Variants in RPS5 observed in about 807,000 individuals in gnomAD.
RPS5 encodes ribosomal protein S5, also known as small ribosomal subunit protein uS7.
A neutral mutation model predicts 20.9 loss-of-function variants in RPS5; 2 were observed. The ratio of observed to expected loss-of-function variants is 0.10; its 90% confidence interval spans 0.04 to 0.30. The LOEUF is 0.30. RPS5 is among the 10% of genes least tolerant of loss of function. The pLI is 1.00. For missense variants in RPS5, 122 were observed against 287.2 expected (o/e 0.42, Z 4.16); for synonymous variants, 112 against 105.8 (o/e 1.06, Z -0.36).
intron 2 of RPS5, among the ~76,000 whole-genome samples, chr19:58,392,213 A>G (rs1008205700): frequency 1.1e-4 from 17 of 151,980 alleles, no homozygotes; most frequent in African/African-American, 3.6e-4. Flanking sequence ...AATTCCAGCT[A>G]CTCAGGAGGC....
intron 3 of RPS5, 65 bp downstream of exon 3, chr19:58,393,250 G>T: frequency 1.2e-6 from 2 of 1,612,106 alleles, no homozygotes; most frequent in South Asian, 1.1e-5. Flanking sequence ...CCCACGGAGT[G>T]TATGTCAGGC....
chr19:58,393,606 C>A, intron 4 of RPS5, 119 bp downstream of exon 4: 2 of 1,326,476 alleles, frequency 1.5e-6, no homozygotes, highest in East Asian at 2.5e-5. Flanking sequence ...ATCACTTCCT[C>A]TAGGAAGCCT....
chr19:58,392,788 A>T (rs139977712), intron 2 of RPS5, among the ~76,000 whole-genome samples, 188 bp from the exon 3 acceptor site: 287 of 152,230 alleles, frequency 1.9e-3, no homozygotes, highest in African/African-American at 6.5e-3. Context: ...TGGTAAAGTC[A>T]CCTGTTCAGG....
chr19:58,389,776 AC>A (rs1230387557), intron 2 of RPS5, among the ~76,000 whole-genome samples: 1 of 151,720 alleles, frequency 6.6e-6, no homozygotes, highest in African/African-American at 2.4e-5. Flanking sequence ...AGCTGAGATT[AC>A]AGGCGCACAC....
intron 2 of RPS5, 158 bp downstream of exon 2, chr19:58,388,403 A>T (rs760833608): frequency 9.6e-6 from 6 of 622,048 alleles, no homozygotes; most frequent in Non-Finnish European, 1.7e-5. Context: ...ATCTGCTCTT[A>T]CGTCCTGTTC....
At chr19:58,388,105 G>A in intron 1 of RPS5, 32 bp from the exon 2 acceptor site, 1 of 1,508,752 alleles carries the variant, frequency 6.6e-7, no homozygotes, top group South Asian at 1.2e-5. Context: ...GCTGAGCTCT[G>A]ACGTTTTTTT....
At chr19:58,388,479 T>C (rs989755356) in intron 2 of RPS5, 4 of 559,454 alleles carry the variant, frequency 7.1e-6, no homozygotes, top group Admixed American at 3.4e-5. Flanking sequence ...ATCTCACATA[T>C]GGTATTTTTG....
chr19:58,390,662 C>T (rs1234885536), intron 2 of RPS5, among the ~76,000 whole-genome samples: 1 of 152,058 alleles, frequency 6.6e-6, no homozygotes, highest in Non-Finnish European at 1.5e-5. Flanking sequence ...CCTTGAACTC[C>T]TTGATCTATT....
Position 58,393,158 on chromosome 19 carries a change from C to A in RPS5, c.291C>A (p.Phe97Leu). 1 of 1,614,208 alleles carries A rather than the reference C, an allele frequency of 6.2e-7. No individual in the cohort carries two copies. Among genetic ancestry groups the A allele is most frequent in the South Asian group, 1.1e-5 (1 of 91,080 alleles). The change falls in exon 3 of 6, where the codon TTC becomes TTA. Residue 97 changes from phenylalanine to leucine, a missense_variant. This residue lies in a region of RPS5 where 49 missense variants were observed against 64.9 expected (regional missense o/e 0.75). Coordinates refer to ENST00000196551, the MANE Select transcript of RPS5 (RefSeq NM_001009.4). ...CTGTGCGCATCGTCAAGCATGCCTT[C>A]GAGATCATACACCTGCTCACAGGCG... The part of the protein sequence containing the change: ...LMTVRIVKHA[F>L]EIIHLLTGEN...
chr19:58,390,741 C>T (rs968926353), intron 2 of RPS5, among the ~76,000 whole-genome samples: 29 of 152,292 alleles, frequency 1.9e-4, no homozygotes, highest in African/African-American at 6.5e-4. Flanking sequence ...ATTTTAAACA[C>T]CTGTGCAGGG....
At chr19:58,387,427 G>A (rs1270447447) in intron 1 of RPS5, 88 bp downstream of exon 1, 1 of 152,282 alleles carries the variant, frequency 6.6e-6, no homozygotes, top group Non-Finnish European at 1.5e-5. Context: ...TTCTCATTAG[G>A]TCTCATTTCT....
chr19:58,387,384 C>T (rs1174295301), intron 1 of RPS5, 45 bp downstream of exon 1: 1 of 152,254 alleles, frequency 6.6e-6, no homozygotes, highest in Non-Finnish European at 1.5e-5. Flanking sequence ...GGTTCATGGT[C>T]TTTCGGGGAT....
intron 4 of RPS5, 112 bp from the exon 5 acceptor site, chr19:58,394,385 T>C: frequency 1.2e-6 from 1 of 809,480 alleles, no homozygotes; most frequent in Non-Finnish European, 2.1e-6. Context: ...CCACCTCTTG[T>C]CTCAGTGGGC....
In RPS5 at chr19:58,388,181, C is replaced by T. The variant is rs2052339347; in HGVS notation, c.44C>T (p.Pro15Leu). The change falls in exon 2 of 6, where the codon CCA (proline) becomes CTA (leucine). Residue 15 changes from proline to leucine, a missense_variant. Pro to Leu is a moderately conservative substitution (Grantham distance 98). Coordinates refer to ENST00000196551, the MANE Select transcript of RPS5 (RefSeq NM_001009.4). The stretch of plus-strand genomic sequence containing the variant: ...GCAGCACCAGCGGTGGCAGAGACCC[C>T]AGACATCAAGCTCTTTGGGAAGTGG... The part of the protein sequence containing the change: ...ETAAPAVAET[P>L]DIKLFGKWST... The T allele has an allele frequency of 6.2e-7, 1 of 1,613,130 alleles. No individual in the cohort carries two copies. Among genetic ancestry groups the T allele is most frequent in the Admixed American group, 1.7e-5 (1 of 59,950 alleles).
At chr19:58,392,400 C>T (rs1020987848) in intron 2 of RPS5, among the ~76,000 whole-genome samples, 1 of 151,746 alleles carries the variant, frequency 6.6e-6, no homozygotes, top group Non-Finnish European at 1.5e-5. Flanking sequence ...CCAAGACAGG[C>T]GGATCACAAG....
At position 58,390,219 on chromosome 19, in the gene RPS5, A is replaced by C. The variant is rs559065353; in HGVS notation, c.108+1974A>C. ...CGTTATTTATTTATTTGTGAGACAG[A>C]GTCTCTCTCTGCCTCCCAGGCTGGA... On this transcript the variant is annotated intron_variant, in intron 2 of 5. Coordinates refer to ENST00000196551, the MANE Select transcript of RPS5 (RefSeq NM_001009.4). Among the ~76,000 whole-genome samples, 3 of 146,226 alleles carry C rather than the reference A, an allele frequency of 2.1e-5. No individual in the cohort carries two copies. The South Asian group carries it at 6.5e-4, about 32-fold the overall frequency.
rs375375343 is a variant in RPS5 at position 58,393,191 on chromosome 19, G to T, written c.318+6G>T. 3 of 1,614,096 alleles carry T rather than the reference G, an allele frequency of 1.9e-6. No homozygotes were observed. In the African/African-American group the frequency reaches 4.0e-5, roughly 22 times the overall value. ...TACACCTGCTCACAGGCGAGGTAGG[G>T]CTCTGTGGCCTGGTGAGGGCAGGCT... is the stretch of plus-strand genomic sequence containing the variant. On this transcript the variant is annotated splice_donor_region_variant and intron_variant, in intron 3 of 5. Transcript: ENST00000196551.
At chr19:58,388,281 G>A in intron 2 of RPS5, 36 bp downstream of exon 2, 1 of 1,430,924 alleles carries the variant, frequency 7.0e-7, no homozygotes, top group Non-Finnish European at 9.8e-7. Context: ...TCCTGGCTGG[G>A]GGCGGACATT....
In RPS5 at chr19:58,387,301, C is replaced by G. The variant is rs530567280; in HGVS notation, c.-40C>G. ...TGTCTGTACCAGGGCGGCGCGTGGT[C>G]TACGCCGAGTGACAGAGACGCTCAG... On this transcript the variant is annotated 5_prime_UTR_variant, in exon 1 of 6. Coordinates refer to ENST00000196551, the MANE Select transcript of RPS5 (RefSeq NM_001009.4). 11 of 152,400 alleles carry G rather than the reference C, an allele frequency of 7.2e-5. No homozygotes were observed. Among genetic ancestry groups the G allele is most frequent in the African/African-American group, 2.6e-4 (11 of 41,592 alleles). 9.4% of individuals were successfully genotyped at this position (152,400 alleles called of 1,614,324 possible).
Sources: allele counts gnomAD v4.1 joint callset (sites outside exome capture counted in the v4.1 genomes callset), GRCh38; gene constraint gnomAD v4.1.1; regional missense constraint gnomAD v4.1.1; transcripts MANE v1.5; gene names NCBI Gene and HGNC (gene_info 2026-07-23, HGNC 2026-07-21).